The following ERCC6 variants were observed in gnomAD, a reference collection of about 807,000 sequenced individuals.
ERCC6 encodes ERCC excision repair 6, chromatin remodeling factor.
A neutral mutation model predicts 158.7 loss-of-function variants in ERCC6; 116 were observed. That is an observed-to-expected ratio of 0.73 (90% CI 0.63 to 0.85). The LOEUF is 0.85. Among genes scored for constraint, ERCC6 ranks in the 40% least tolerant of loss-of-function variants. The pLI, the probability that ERCC6 is intolerant of heterozygous loss-of-function variation, is 0.00. For missense variants in ERCC6, 1,698 were observed against 1,799.4 expected (o/e 0.94, Z 1.02); for synonymous variants, 678 against 659.3 (o/e 1.03, Z -0.43).
chr10:49,508,952 G>C (rs1004267311), intron 5 of ERCC6, among the ~76,000 whole-genome samples: 1 of 152,106 alleles, frequency 6.6e-6, no homozygotes, highest in Non-Finnish European at 1.5e-5. Context: ...CTGTAGTCTG[G>C]CAGGCTGAGT....
intron 11 of ERCC6, among the ~76,000 whole-genome samples, 170 bp downstream of exon 11, chr10:49,478,184 T>C (rs1850911285): frequency 6.6e-6 from 1 of 152,246 alleles, no homozygotes; most frequent in South Asian, 2.1e-4. Context: ...GGTCAAAGCC[T>C]GTGGACTAGA....
intron 8 of ERCC6, 82 bp from the exon 9 acceptor site, chr10:49,483,598 AT>A (rs1261763551): frequency 1.5e-6 from 2 of 1,345,880 alleles, no homozygotes; most frequent in Non-Finnish European, 2.1e-6. Context: ...AAAGTACTTT[AT>A]AAAAATGCAC....
intron 8 of ERCC6, among the ~76,000 whole-genome samples, chr10:49,491,793 C>A (rs1851177844): frequency 6.6e-6 from 1 of 152,088 alleles, no homozygotes; most frequent in African/African-American, 2.4e-5. Flanking sequence ...ATAAGACAAA[C>A]ATCAGCTAAT....
downstream of ERCC6, among the ~76,000 whole-genome samples, chr10:49,450,156 G>A (rs977297860): frequency 3.9e-5 from 6 of 152,290 alleles, no homozygotes; most frequent in Middle Eastern, 3.4e-3. Flanking sequence ...GGCATGGGCC[G>A]TCATACCCAG....
intron 11 of ERCC6, among the ~76,000 whole-genome samples, chr10:49,476,910 A>G (rs1246165782): frequency 6.6e-6 from 1 of 151,946 alleles, no homozygotes; most frequent in Admixed American, 6.6e-5. Context: ...ACCTACCTGG[A>G]CCCCTTTCAA....
rs1850519848 is a variant in ERCC6, at chr10:49,458,512, T to C, written c.*303A>G. 2.9e-6 allele frequency: 1 copy of C among 349,918 alleles called. No individual in the cohort carries two copies. 21.7% of individuals were successfully genotyped at this position (349,918 alleles called of 1,614,324 possible). A position where few individuals can be genotyped will look rare whatever the true frequency, so the allele number is the denominator to read the frequency against. ...TAACTGTGCTCCCTGACAGCATCTT[T>C]TGGGTAAAGGAACAAATGTGCTCCA... is the stretch of plus-strand genomic sequence containing the variant. On this transcript the variant is annotated 3_prime_UTR_variant, in exon 21 of 21. Coordinates refer to ENST00000355832, the MANE Select transcript of ERCC6 (RefSeq NM_000124.4).
At chr10:49,445,980 G>C in the ERCC6 span, among the ~76,000 whole-genome samples, 3 of 152,166 alleles carry the variant, frequency 2.0e-5, no homozygotes, top group Non-Finnish European at 2.9e-5. Context: ...TGGATTCTTA[G>C]TGGGGGACTT....
intron 18 of ERCC6, among the ~76,000 whole-genome samples, chr10:49,462,478 T>C (rs1850600416): frequency 6.6e-6 from 1 of 151,090 alleles, no homozygotes; most frequent in African/African-American, 2.4e-5. Flanking sequence ...TTCCAATTAA[T>C]AAAAGACTGA....
chr10:49,464,090 T>C (rs1850629488), intron 18 of ERCC6, among the ~76,000 whole-genome samples: 1 of 152,084 alleles, frequency 6.6e-6, no homozygotes, highest in African/African-American at 2.4e-5. Flanking sequence ...TGTGGGAAGG[T>C]TTGCAACTTC....
At chr10:49,453,878 T>C (rs1162621159), downstream of ERCC6, among the ~76,000 whole-genome samples, 1 of 152,200 alleles carries the variant, frequency 6.6e-6, no homozygotes, top group Non-Finnish European at 1.5e-5. Flanking sequence ...TATCTTTTTT[T>C]CACTCACTAC....
At chr10:49,515,888 A>T (rs780247230) in intron 5 of ERCC6, 2 of 1,614,042 alleles carry the variant, frequency 1.2e-6, no homozygotes, top group African/African-American at 2.7e-5. Context: ...ATCTGCAGAC[A>T]ATATTGCCTT....
At chr10:49,435,759 G>T in the ERCC6 span, among the ~76,000 whole-genome samples, 1 of 152,150 alleles carries the variant, frequency 6.6e-6, no homozygotes, top group Admixed American at 6.6e-5. Flanking sequence ...AGCACTTTGG[G>T]AGGCTGAGGC....
At chr10:49,449,017 T>C in the ERCC6 span, among the ~76,000 whole-genome samples, 1 of 152,262 alleles carries the variant, frequency 6.6e-6, no homozygotes, top group Non-Finnish European at 1.5e-5. Flanking sequence ...TTCTAGGTCA[T>C]AGGCTAGCTC....
intron 19 of ERCC6, among the ~76,000 whole-genome samples, chr10:49,461,026 A>G (rs976035912): frequency 1.3e-5 from 2 of 152,246 alleles, no homozygotes; most frequent in African/African-American, 4.8e-5. Flanking sequence ...TAGCAAAGTA[A>G]TTAATGTGTG....
intron 8 of ERCC6, among the ~76,000 whole-genome samples, chr10:49,484,016 C>G (rs1438843679): frequency 1.3e-5 from 2 of 151,868 alleles, no homozygotes; most frequent in Non-Finnish European, 2.9e-5. Flanking sequence ...CAGTGGCTCA[C>G]AACTGTAATC....
chr10:49,523,958 T>C, intron 5 of ERCC6, 75 bp downstream of exon 5: 1 of 1,584,808 alleles, frequency 6.3e-7, no homozygotes, highest in African/African-American at 1.3e-5. Context: ...GGATCTAGAA[T>C]GCTTACATAT....
chr10:49,445,072 T>A, the ERCC6 span, among the ~76,000 whole-genome samples: 1 of 152,200 alleles, frequency 6.6e-6, no homozygotes, highest in East Asian at 1.9e-4. Flanking sequence ...CTAATCCAAT[T>A]CAGAAACCTA....
At position 49,524,605 on chromosome 10, in the gene ERCC6, C is replaced by T. The variant is rs775850810; in HGVS notation, c.825G>A (p.Leu275=). The change falls in exon 5 of 21, where the codon TTG becomes TTA. Residue 275 remains leucine (L), a synonymous_variant. Coordinates refer to ENST00000355832, the MANE Select transcript of ERCC6 (RefSeq NM_000124.4). ...LNEASGFEKY[L]ADQAKLSFER... Reference sequence around the variant, plus strand: ...CAAAAGACAGTTTTGCTTGATCTGCCAAATACTTTTCGAAGCCTGATGCTT... The same window carrying T: ...CAAAAGACAGTTTTGCTTGATCTGCTAAATACTTTTCGAAGCCTGATGCTT... The T allele has an allele frequency of 2.5e-6, 4 of 1,614,182 alleles. No individual in the cohort carries two copies. Among genetic ancestry groups the T allele is most frequent in the Non-Finnish European group, 3.4e-6 (4 of 1,180,032 alleles).
downstream of ERCC6, among the ~76,000 whole-genome samples, chr10:49,452,322 C>T (rs1850430160): frequency 3.3e-5 from 5 of 151,870 alleles, no homozygotes; most frequent in South Asian, 1.0e-3. Flanking sequence ...GTGCTGATTA[C>T]CTTCTTGTTT....
Sources: gnomAD v4.1 joint callset for allele counts (sites outside exome capture counted in the v4.1 genomes callset) on GRCh38, gnomAD v4.1.1 for gene constraint, MANE v1.5 for transcripts, NCBI Gene and HGNC (gene_info 2026-07-23, HGNC 2026-07-21) for gene names.